Variants in ANO3 observed in about 807,000 individuals in gnomAD.
ANO3 encodes the protein anoctamin-3.
In ANO3, 99 loss-of-function variants were observed where a neutral mutation model predicts 144.8. That is an observed-to-expected ratio of 0.68 (90% CI 0.58 to 0.81). ANO3 has a LOEUF of 0.81. Ranked by LOEUF, ANO3 falls within the 30% of genes least tolerant of loss-of-function variation. The pLI is 0.00. For synonymous variants in ANO3, 414 were observed against 392.6 expected, an observed-to-expected ratio of 1.05 and a Z score of -0.64; for missense variants, 905 against 1,202.2, an observed-to-expected ratio of 0.75 and a Z score of 3.66.
At chr11:26,627,814 A>ATGTGTGT (rs890249102) in intron 18 of ANO3, among the ~76,000 whole-genome samples, 7 of 131,280 alleles carry the variant, frequency 5.3e-5, no homozygotes, top group African/African-American at 2.0e-4. Context: ...AATAGAATCT[A>ATGTGTGT]GTGTGTGTGT....
At chr11:26,340,429 A>G (rs917770079) in intron 1 of ANO3, among the ~76,000 whole-genome samples, 1 of 152,168 alleles carries the variant, frequency 6.6e-6, no homozygotes. Context: ...TCTTACATCT[A>G]TATGATCTAG....
At chr11:26,353,862 CG>C (rs1354513239) in intron 1 of ANO3, among the ~76,000 whole-genome samples, 5 of 152,210 alleles carry the variant, frequency 3.3e-5, no homozygotes, top group Admixed American at 6.5e-5. Flanking sequence ...GCCACCGCGC[CG>C]GGCCTCAATT....
chr11:26,547,683 T>C, intron 12 of ANO3, 133 bp downstream of exon 12: 1 of 898,452 alleles, frequency 1.1e-6, no homozygotes, highest in Non-Finnish European at 1.6e-6. Flanking sequence ...ATTTCTGTTT[T>C]TTGGCTTTTG....
chr11:26,442,849 G>T (rs748654697), intron 2 of ANO3, among the ~76,000 whole-genome samples: 12 of 152,036 alleles, frequency 7.9e-5, no homozygotes, highest in Non-Finnish European at 1.5e-4. Flanking sequence ...TCACTGTAAC[G>T]TCTGCCTCCC....
chr11:26,555,972 T>C (rs1434055128), intron 13 of ANO3, among the ~76,000 whole-genome samples: 1 of 152,110 alleles, frequency 6.6e-6, no homozygotes, highest in Admixed American at 6.6e-5. Flanking sequence ...AATTAAATTT[T>C]CCATATTATA....
chr11:26,411,010 T>C (rs951283644), intron 1 of ANO3, among the ~76,000 whole-genome samples: 1 of 151,990 alleles, frequency 6.6e-6, no homozygotes, highest in Non-Finnish European at 1.5e-5. Context: ...GATAAATCTA[T>C]TGGCTAAAAT....
intron 1 of ANO3, among the ~76,000 whole-genome samples, chr11:26,363,592 G>T (rs750786175): frequency 1.3e-5 from 2 of 152,110 alleles, no homozygotes; most frequent in African/African-American, 4.8e-5. Flanking sequence ...TCTTTAAAGG[G>T]CATATCTCCA....
chr11:26,635,867 A>G (rs1274723669), intron 20 of ANO3, among the ~76,000 whole-genome samples: 1 of 152,210 alleles, frequency 6.6e-6, no homozygotes, highest in Admixed American at 6.5e-5. Flanking sequence ...TTTAATATCT[A>G]TAAATCTCAG....
At chr11:26,296,430 C>T (rs1854090304) in intron 1 of ANO3, among the ~76,000 whole-genome samples, 1 of 152,170 alleles carries the variant, frequency 6.6e-6, no homozygotes, top group Admixed American at 6.5e-5. Context: ...CTTGTTGACA[C>T]TCAGATCATG....
At chr11:26,642,112 A>T (rs959158022) in intron 22 of ANO3, 83 bp downstream of exon 22, 3 of 1,480,122 alleles carry the variant, frequency 2.0e-6, no homozygotes, top group Non-Finnish European at 2.8e-6. Flanking sequence ...CAACAGAGAA[A>T]ATTATCTCTT....
At chr11:26,511,513 G>A (rs1861664754) in intron 5 of ANO3, among the ~76,000 whole-genome samples, 1 of 152,004 alleles carries the variant, frequency 6.6e-6, no homozygotes, top group South Asian at 2.1e-4. Context: ...ATCTGACCCA[G>A]GGTGACTTTC....
chr11:26,295,372 A>G (rs186776954), intron 1 of ANO3, among the ~76,000 whole-genome samples: 4 of 151,918 alleles, frequency 2.6e-5, no homozygotes, highest in African/African-American at 9.7e-5. Context: ...AAAATAAAAA[A>G]AAATTAGCCG....
chr11:26,368,766 A>T (rs1856166240), intron 1 of ANO3, among the ~76,000 whole-genome samples: 1 of 152,036 alleles, frequency 6.6e-6, no homozygotes, highest in African/African-American at 2.4e-5. Context: ...CAATCGCTAA[A>T]AGTTGTAATT....
upstream of ANO3, among the ~76,000 whole-genome samples, chr11:26,308,480 T>C (rs1237052964): frequency 6.6e-6 from 1 of 152,216 alleles, no homozygotes; most frequent in African/African-American, 2.4e-5. Flanking sequence ...AGCAAGTTTA[T>C]ACTCTTATAA....
chr11:26,411,336 ATAAT>A (rs1470510824), intron 1 of ANO3, among the ~76,000 whole-genome samples: 1 of 152,028 alleles, frequency 6.6e-6, no homozygotes, highest in African/African-American at 2.4e-5. Flanking sequence ...ATTGTTAAGA[ATAAT>A]TAGATTATTT....
At chr11:26,487,630 A>G (rs1230619274) in intron 4 of ANO3, among the ~76,000 whole-genome samples, 2 of 152,138 alleles carry the variant, frequency 1.3e-5, no homozygotes, top group East Asian at 3.9e-4. Flanking sequence ...TTTGAAAAAA[A>G]TGCCGATAGT....
chr11:26,192,720 G>A (rs954409407), intron 1 of ANO3, among the ~76,000 whole-genome samples: 4 of 152,090 alleles, frequency 2.6e-5, no homozygotes, highest in Non-Finnish European at 5.9e-5. Flanking sequence ...GTATGGGTGA[G>A]GGGGAGCAGG....
At chr11:26,339,586 G>A (rs1424812050) in intron 1 of ANO3, among the ~76,000 whole-genome samples, 1 of 152,126 alleles carries the variant, frequency 6.6e-6, no homozygotes, top group East Asian at 1.9e-4. Context: ...GCTGTCTATA[G>A]CTAGTTTCCT....
chr11:26,487,168 G>A (rs563633682), intron 4 of ANO3, among the ~76,000 whole-genome samples: 5 of 152,300 alleles, frequency 3.3e-5, no homozygotes, highest in East Asian at 3.9e-4. Flanking sequence ...GAATTCCCAC[G>A]TGTTGTGGGA....
Sources: gnomAD v4.1 joint callset for allele counts (sites outside exome capture counted in the v4.1 genomes callset) on GRCh38, gnomAD v4.1.1 for gene constraint, MANE v1.5 for transcripts, NCBI Gene and HGNC (gene_info 2026-07-23, HGNC 2026-07-21) for gene names.